Variants in RPH3A observed in about 807,000 individuals in gnomAD.
RPH3A encodes rabphilin-3A.
Under a neutral mutation model 102.2 loss-of-function variants are expected in RPH3A, and 48 were observed. The ratio of observed to expected loss-of-function variants is 0.47; its 90% CI spans 0.37 to 0.60. RPH3A has a LOEUF of 0.60. Ranked by LOEUF, RPH3A falls within the 20% of genes least tolerant of loss-of-function variation. The pLI, the probability that RPH3A is intolerant of heterozygous loss-of-function variation, is 0.00. For missense variants in RPH3A, 781 were observed against 910.1 expected, an observed-to-expected ratio of 0.86 and a Z score of 1.83; for synonymous variants, 310 against 324.3, an observed-to-expected ratio of 0.96 and a Z score of 0.47.
intron 1 of RPH3A, among the ~76,000 whole-genome samples, chr12:112,712,984 G>C (rs57588350): frequency 1.7e-5 from 1 of 59,844 alleles, no homozygotes; most frequent in African/African-American, 6.3e-5. Context: ...TTTCTTCTTC[G>C]TCGTCTTTGT....
rs371239351 is a variant in RPH3A, at chr12:112,795,572, T to G, written c.-19+3309T>G. On this transcript the variant is annotated intron_variant, in intron 2 of 21. Transcript: ENST00000389385. ...TCTGGGGGCGGTCAGATCTTAGTTC[T>G]AATTTTGACTCTGGCATTTCCTTGC... 1.2e-4 allele frequency among the ~76,000 whole-genome samples: 18 copies of G among 152,230 alleles called. No homozygotes were observed. The East Asian group carries it at 1.5e-3, about 13-fold the overall frequency.
intron 5 of RPH3A, among the ~76,000 whole-genome samples, chr12:112,857,509 T>C (rs1268386783): frequency 1.3e-5 from 2 of 152,022 alleles, no homozygotes; most frequent in African/African-American, 4.8e-5. Context: ...GCCCTACTGC[T>C]GGTTTTGAAA....
At chr12:112,860,410 G>A (rs1172765784) in intron 5 of RPH3A, among the ~76,000 whole-genome samples, 1 of 152,178 alleles carries the variant, frequency 6.6e-6, no homozygotes, top group East Asian at 1.9e-4. Context: ...CTGCTGATAG[G>A]AGCTAATGAG....
chr12:112,726,292 T>C (rs969594333), intron 1 of RPH3A, among the ~76,000 whole-genome samples: 1 of 152,084 alleles, frequency 6.6e-6, no homozygotes, highest in Non-Finnish European at 1.5e-5. Context: ...TTTTTGTGTT[T>C]TTAGTAGAGA....
At chr12:112,834,450 G>T (rs2042018254) in intron 3 of RPH3A, among the ~76,000 whole-genome samples, 1 of 152,118 alleles carries the variant, frequency 6.6e-6, no homozygotes, top group Non-Finnish European at 1.5e-5. Context: ...ATTTCTTTGG[G>T]GTAATTACCT....
chr12:112,602,633 T>C (rs2039567371), intron 1 of RPH3A, among the ~76,000 whole-genome samples: 1 of 152,002 alleles, frequency 6.6e-6, no homozygotes, highest in Non-Finnish European at 1.5e-5. Context: ...AAATGAATAG[T>C]GTAAAATTAA....
chr12:112,727,369 C>T lies in RPH3A; in HGVS notation c.-139-64774C>T, dbSNP rs193251099. 2.0e-3 allele frequency among the ~76,000 whole-genome samples: 274 copies of T among 135,150 alleles called. 1 individual carries two copies. The highest frequency in any genetic ancestry group is 7.5e-3 in the African/African-American group (257 of 34,380). 88.7% of individuals were successfully genotyped at this position (135,150 alleles called of 152,430 possible). A position where few individuals can be genotyped will look rare whatever the true frequency, so the allele number is the denominator to read the frequency against. ...TTGCATCACTGCCCTCCGGCCTGGG[C>T]GACAGAGCAAGACTCTGCCTCAAAA... On this transcript the variant is annotated intron_variant, in intron 1 of 21. Transcript: ENST00000543106.
intron 1 of RPH3A, among the ~76,000 whole-genome samples, chr12:112,633,343 A>G (rs2039821345): frequency 6.6e-6 from 1 of 152,234 alleles, no homozygotes; most frequent in Non-Finnish European, 1.5e-5. Context: ...ACTCATGTTG[A>G]AACTTAATCC....
Position 112,866,792 on chromosome 12 carries a change from C to A in RPH3A, c.396C>A (p.Asn132Lys), listed in dbSNP as rs1246009194. 1 of 1,611,658 alleles carries A rather than the reference C, an allele frequency of 6.2e-7. No individual in the cohort carries two copies. Among genetic ancestry groups the A allele is most frequent in the African/African-American group, 1.3e-5 (1 of 74,888 alleles). Residue 132 changes from asparagine (N) to lysine (K), a missense_variant, in exon 7 of 22, where the codon AAC (asparagine) becomes AAA (lysine). Coordinates refer to ENST00000389385, the MANE Select transcript of RPH3A (RefSeq NM_001143854.2). ...VCTKCGVETN[N>K]RLHSVWLCKI... ...CCAAGTGCGGAGTGGAGACCAACAA[C>A]CGCCTGCATTCTGTGTGGCTCTGCA...
chr12:112,762,856 A>G (rs1005990682), intron 1 of RPH3A, among the ~76,000 whole-genome samples: 6 of 152,220 alleles, frequency 3.9e-5, no homozygotes, highest in Non-Finnish European at 7.3e-5. Flanking sequence ...TCACTGGACC[A>G]GTTTTAGTCA....
intron 1 of RPH3A, among the ~76,000 whole-genome samples, chr12:112,663,526 T>C (rs1227256601): frequency 2.0e-5 from 3 of 152,034 alleles, no homozygotes; most frequent in African/African-American, 7.2e-5. Flanking sequence ...TTACTTATTA[T>C]TATTATTTTT....
intron 1 of RPH3A, among the ~76,000 whole-genome samples, chr12:112,691,181 C>T (rs6489852): frequency 0.25 from 37,458 of 152,098 alleles, 5,568 homozygotes; most frequent in African/African-American, 0.41. Flanking sequence ...CCCGCCACCA[C>T]GCCCGGCTAA....
At chr12:112,726,971 C>T (rs753703488) in intron 1 of RPH3A, among the ~76,000 whole-genome samples, 12 of 151,654 alleles carry the variant, frequency 7.9e-5, no homozygotes, top group East Asian at 1.9e-4. Context: ...TGCAGTGAGC[C>T]GAGACTGCGC....
chr12:112,597,133 C>T (rs2135966591), intron 1 of RPH3A, among the ~76,000 whole-genome samples: 1 of 152,234 alleles, frequency 6.6e-6, no homozygotes, highest in East Asian at 1.9e-4. Context: ...GAACTGTACA[C>T]ACCAAACTGA....
chr12:112,670,130 C>T (rs1312932430), intron 1 of RPH3A, among the ~76,000 whole-genome samples: 1 of 152,288 alleles, frequency 6.6e-6, no homozygotes, highest in Non-Finnish European at 1.5e-5. Context: ...TCTTAAGAGG[C>T]GATATCCATT....
intron 1 of RPH3A, among the ~76,000 whole-genome samples, chr12:112,581,277 G>C (rs1284502553): frequency 3.9e-5 from 6 of 152,158 alleles, no homozygotes; most frequent in African/African-American, 1.4e-4. Context: ...ATGGTGGCAG[G>C]CCATAGAGAG....
chr12:112,737,537 G>T (rs911620706), intron 1 of RPH3A, among the ~76,000 whole-genome samples: 6 of 152,152 alleles, frequency 3.9e-5, no homozygotes, highest in African/African-American at 1.4e-4. Flanking sequence ...AGGACTGTTT[G>T]GATAGCATAG....
At chr12:112,889,360 A>C (rs1294053242) in intron 17 of RPH3A, among the ~76,000 whole-genome samples, 1 of 152,248 alleles carries the variant, frequency 6.6e-6, no homozygotes, top group Non-Finnish European at 1.5e-5. Context: ...TGGTGAATGC[A>C]GCCAGCCCCA....
At chr12:112,627,725 G>A (rs1442863170) in intron 1 of RPH3A, among the ~76,000 whole-genome samples, 2 of 152,094 alleles carry the variant, frequency 1.3e-5, no homozygotes, top group African/African-American at 4.8e-5. Context: ...GTAGACTGTG[G>A]ATGAGGTTTG....
Sources: gnomAD v4.1 joint callset for allele counts (sites outside exome capture counted in the v4.1 genomes callset) on GRCh38, gnomAD v4.1.1 for gene constraint, MANE v1.5 for transcripts, NCBI Gene and HGNC (gene_info 2026-07-23, HGNC 2026-07-21) for gene names.